PIK3AP1: variants seen among roughly 807,000 people sequenced by gnomAD.
The protein encoded by PIK3AP1 is phosphoinositide-3-kinase adaptor protein 1.
In PIK3AP1, 21 loss-of-function variants were observed where a neutral mutation model predicts 88.1. The observed-to-expected ratio is 0.24, with a 90% CI of 0.17 to 0.34. The LOEUF (loss-of-function observed/expected upper bound fraction) is 0.34, where lower values mean the gene tolerates loss of function less well. PIK3AP1 is among the 10% of genes least tolerant of loss of function. PIK3AP1 has a pLI of 1.00. For synonymous variants in PIK3AP1, 398 were observed against 400.0 expected (o/e 1.00, Z 0.06); for missense variants, 828 against 1,035.7 (o/e 0.80, Z 2.75).
chr10:96,618,307 C>A (rs1843026420), intron 12 of PIK3AP1, among the ~76,000 whole-genome samples: 1 of 152,076 alleles, frequency 6.6e-6, no homozygotes, highest in East Asian at 1.9e-4. Flanking sequence ...ATAACAACAA[C>A]AACGATAACA....
chr10:96,715,787 G>A (rs988034747), intron 1 of PIK3AP1, among the ~76,000 whole-genome samples: 1 of 151,842 alleles, frequency 6.6e-6, no homozygotes, highest in Non-Finnish European at 1.5e-5. Flanking sequence ...CTACTCAGGA[G>A]GCTGAGGCAG....
chr10:96,595,658 CTA>C, intron 16 of PIK3AP1, 24 bp from the exon 17 acceptor site: 2 of 1,610,212 alleles, frequency 1.2e-6, no homozygotes, highest in Admixed American at 1.7e-5. Context: ...TAAGGCAACT[CTA>C]TTTAAAAACT....
At chr10:96,708,061 C>A (rs1214797782) in intron 2 of PIK3AP1, among the ~76,000 whole-genome samples, 1 of 152,134 alleles carries the variant, frequency 6.6e-6, no homozygotes, top group Non-Finnish European at 1.5e-5. Flanking sequence ...TTTAAGGCCA[C>A]TGAAAATTAG....
chr10:96,689,965 T>A (rs886598010), intron 2 of PIK3AP1, among the ~76,000 whole-genome samples: 25 of 152,312 alleles, frequency 1.6e-4, no homozygotes, highest in Non-Finnish European at 3.4e-4. Flanking sequence ...GACATGGCCA[T>A]TCCAGGTGTC....
chr10:96,635,716 C>G (rs973842772), intron 8 of PIK3AP1, among the ~76,000 whole-genome samples: 4 of 152,022 alleles, frequency 2.6e-5, no homozygotes, highest in African/African-American at 9.7e-5. Context: ...ACTAGCCTGG[C>G]CAACATGGCA....
Position 96,648,639 on chromosome 10 carries a change from C to T in PIK3AP1, c.1185+20G>A. ...ACAGAGTGCATTTCCAATCCTGGGC[C>T]CCTCCTGCCTTGACCTTACCACATA... On this transcript the variant is annotated intron_variant, in intron 7 of 16. Coordinates refer to ENST00000339364, the MANE Select transcript of PIK3AP1 (RefSeq NM_152309.3). 6.3e-7 allele frequency: 1 copy of T among 1,577,808 alleles called. No homozygotes were observed. The highest frequency in any genetic ancestry group is 8.6e-7 in the Non-Finnish European group (1 of 1,167,892).
chr10:96,671,722 C>T (rs939982730), intron 2 of PIK3AP1, among the ~76,000 whole-genome samples: 3 of 152,094 alleles, frequency 2.0e-5, no homozygotes, highest in African/African-American at 7.2e-5. Context: ...CAGAGTCCTA[C>T]AGATACTTTC....
intron 2 of PIK3AP1, among the ~76,000 whole-genome samples, chr10:96,686,544 AC>A (rs1844070863): frequency 6.6e-6 from 1 of 152,226 alleles, no homozygotes; most frequent in Non-Finnish European, 1.5e-5. Flanking sequence ...AAGAAGAAAG[AC>A]AAAAAAGATA....
chr10:96,639,454 C>T (rs779714416), intron 8 of PIK3AP1, among the ~76,000 whole-genome samples: 6 of 152,120 alleles, frequency 3.9e-5, no homozygotes, highest in Non-Finnish European at 7.4e-5. Context: ...CCAAGGTAAG[C>T]GTGACCTGCA....
At chr10:96,629,942 G>GAAAAAAAAAAAA (rs1843222612) in intron 8 of PIK3AP1, among the ~76,000 whole-genome samples, 1 of 62,430 alleles carries the variant, frequency 1.6e-5, no homozygotes, top group Non-Finnish European at 3.6e-5. Flanking sequence ...AGAAGAAGAA[G>GAAAAAAAAAAAA]AAGAAGAAGA....
At chr10:96,655,113 C>A in intron 3 of PIK3AP1, among the ~76,000 whole-genome samples, 1 of 152,310 alleles carries the variant, frequency 6.6e-6, no homozygotes, top group African/African-American at 2.4e-5. Context: ...TGGTCTCAAA[C>A]TCCTGAGCTC....
chr10:96,629,250 A>G (rs565576179), intron 8 of PIK3AP1, among the ~76,000 whole-genome samples: 24 of 152,252 alleles, frequency 1.6e-4, no homozygotes, highest in African/African-American at 5.5e-4. Context: ...ACAAAAATAT[A>G]GTACAAATTG....
rs1327654374 is a variant in PIK3AP1, at chr10:96,595,140, C to T, written c.*437G>A. 6.2e-6 allele frequency: 1 copy of T among 161,058 alleles called. No homozygotes were observed. Among genetic ancestry groups the T allele is most frequent in the African/African-American group, 2.4e-5 (1 of 41,592 alleles). The allele number at this position is 161,058 out of a possible 1,614,324, so 10.0% of individuals were successfully genotyped here. On this transcript the variant is annotated 3_prime_UTR_variant, in exon 17 of 17. Transcript: ENST00000339364. ...GAAGAATTATTTTAAAATTAGGTCA[C>T]TTATCTTACTTGAATACTACAAGTC...
At chr10:96,710,008 C>T (rs1287270809) in intron 1 of PIK3AP1, 25 bp from the exon 2 acceptor site, 2 of 1,547,156 alleles carry the variant, frequency 1.3e-6, no homozygotes, top group Middle Eastern at 1.9e-4. Flanking sequence ...GGCACAGAAG[C>T]ATGTTAGCAC....
At chr10:96,600,659 C>T (rs1848872016) in intron 16 of PIK3AP1, among the ~76,000 whole-genome samples, 1 of 152,192 alleles carries the variant, frequency 6.6e-6, no homozygotes, top group Non-Finnish European at 1.5e-5. Flanking sequence ...ACAGAGCCAG[C>T]CTCTCTTTCC....
rs192417389 is a variant in PIK3AP1 at position 96,708,542 on chromosome 10, T to C, written c.430+1025A>G. Among the ~76,000 whole-genome samples the C allele has an allele frequency of 5.0e-3, 578 of 115,790 alleles. 2 individuals are homozygous for C. The highest frequency in any genetic ancestry group is 0.019 in the African/African-American group (548 of 29,264). 76.0% of individuals were successfully genotyped at this position (115,790 alleles called of 152,430 possible). ...GTGAGCTGAGATCACACCACTGCAC[T>C]CCAACCTGGACGTCAGAGCGAGGAT... is the stretch of plus-strand genomic sequence containing the variant. On this transcript the variant is annotated intron_variant, in intron 2 of 16. Coordinates refer to ENST00000339364, the MANE Select transcript of PIK3AP1 (RefSeq NM_152309.3).
At chr10:96,650,517 C>G (rs1843522625) in intron 6 of PIK3AP1, among the ~76,000 whole-genome samples, 1 of 152,190 alleles carries the variant, frequency 6.6e-6, no homozygotes, top group Non-Finnish European at 1.5e-5. Flanking sequence ...AGCCAGCCAC[C>G]CAGGAGCAGT....
intron 1 of PIK3AP1, 66 bp from the exon 2 acceptor site, chr10:96,710,049 T>C (rs545016668): frequency 1.3e-6 from 2 of 1,482,162 alleles, no homozygotes; most frequent in Admixed American, 4.3e-5. Context: ...CCCCACAGCC[T>C]GCAAAGGTAG....
In PIK3AP1 at chr10:96,670,328, TTAAAG is replaced by T. The variant is rs1843828482; in HGVS notation, c.431-13399_431-13395del. ...GTGAAAAAGGCATGATATTTTCTATTTAAAGTAATAAAATAATTCATTGTTCATTT... is the reference window on the plus strand; with the variant it reads ...GTGAAAAAGGCATGATATTTTCTATTTAATAAAATAATTCATTGTTCATTT... On this transcript the variant is annotated intron_variant, in intron 2 of 16. Transcript: ENST00000339364. Among the ~76,000 whole-genome samples the T allele has an allele frequency of 2.6e-5, 4 of 152,304 alleles. No individual in the cohort carries two copies. The South Asian group carries it at 8.3e-4, about 32-fold the overall frequency.
Sources: allele counts gnomAD v4.1 joint callset (sites outside exome capture counted in the v4.1 genomes callset), GRCh38; gene constraint gnomAD v4.1.1; transcripts MANE v1.5; gene names NCBI Gene and HGNC (gene_info 2026-07-23, HGNC 2026-07-21).